Variants in MACF1 observed in about 807,000 individuals in gnomAD.
MACF1 encodes the protein microtubule actin crosslinking factor 1, also known as microtubule-actin cross-linking factor 1.
In MACF1, 193 loss-of-function variants were observed where a neutral mutation model predicts 854.8. That is an observed-to-expected ratio of 0.23 (90% confidence interval 0.20 to 0.25). MACF1 has a LOEUF of 0.25. Among genes scored for constraint, MACF1 ranks in the 10% least tolerant of loss-of-function variants. MACF1 has a pLI of 1.00. For synonymous variants in MACF1, 3,185 were observed against 3,226.7 expected (o/e 0.99, Z 0.44); for missense variants, 7,722 against 8,929.1 (o/e 0.86, Z 5.45).
chr1:39,293,446 T>C lies in MACF1; in HGVS notation c.1993-12T>C. On this transcript the variant is annotated splice_polypyrimidine_tract_variant and intron_variant, in intron 17 of 100. Coordinates refer to ENST00000564288, the MANE Select transcript of MACF1 (RefSeq NM_001394062.1). ...GCTGCCAGTCTAATCTTATAATCCTTGCTTTGTCTAGGAAACTTCTAGCTT... is the reference window on the plus strand; with the variant it reads ...GCTGCCAGTCTAATCTTATAATCCTCGCTTTGTCTAGGAAACTTCTAGCTT... 1 of 1,605,268 alleles carries C rather than the reference T, an allele frequency of 6.2e-7. No homozygotes were observed. The highest frequency in any genetic ancestry group is 1.7e-5 in the Admixed American group (1 of 59,046).
intron 58 of MACF1, among the ~76,000 whole-genome samples, chr1:39,417,569 CAG>C (rs1643363298): frequency 1.3e-5 from 2 of 150,990 alleles, no homozygotes; most frequent in Admixed American, 6.6e-5. Context: ...TTTTTTTAGA[CAG>C]AGTCTCACTC....
rs767621783 is a variant in MACF1, at chr1:39,310,285, A to G, written c.2957A>G (p.Lys986Arg). The change falls in exon 25 of 101, where the codon AAG (lysine) becomes AGG (arginine). Residue 986 changes from lysine (K) to arginine (R), a missense_variant. Physicochemically the swap from Lys to Arg is conservative, Grantham distance 26. Coordinates refer to ENST00000564288, the MANE Select transcript of MACF1 (RefSeq NM_001394062.1). The stretch of plus-strand genomic sequence containing the variant: ...CCAGGGGAGTGCCATCAGATTATGA[A>G]GAACCTTCAGGCCCACTATGAAGAC... Reference protein sequence around the residue: ...SAPGECHQIMKNLQAHYEDFL... With the variant: ...SAPGECHQIMRNLQAHYEDFL... 6.2e-7 allele frequency: 1 copy of G among 1,614,114 alleles called. No individual in the cohort carries two copies. The highest frequency in any genetic ancestry group is 2.2e-5 in the East Asian group (1 of 44,878).
At chr1:39,190,345 TTTTC>T (rs909988317) in intron 2 of MACF1, among the ~76,000 whole-genome samples, 2 of 150,414 alleles carry the variant, frequency 1.3e-5, no homozygotes, top group Admixed American at 6.7e-5. Flanking sequence ...TTTTCTTGTC[TTTTC>T]TTTCTTTCTT....
At chr1:39,133,499 C>G (rs534938729) in intron 2 of MACF1, among the ~76,000 whole-genome samples, 41 of 151,936 alleles carry the variant, frequency 2.7e-4, no homozygotes, top group African/African-American at 9.9e-4. Flanking sequence ...TTCTTTTCTT[C>G]TCTTTTCTCC....
intron 1 of MACF1, among the ~76,000 whole-genome samples, chr1:39,216,412 A>G (rs1008512848): frequency 3.3e-5 from 5 of 152,210 alleles, no homozygotes; most frequent in African/African-American, 9.7e-5. Flanking sequence ...GTAATCTACT[A>G]TCTTTTGATT....
Position 39,373,004 on chromosome 1 carries a change from C to G in MACF1, c.13213+408C>G, listed in dbSNP as rs12076761. On this transcript the variant is annotated intron_variant, in intron 52 of 100. Coordinates refer to ENST00000564288, the MANE Select transcript of MACF1 (RefSeq NM_001394062.1). The stretch of plus-strand genomic sequence containing the variant: ...TGGCCAACATGGTGAAACCCCATCT[C>G]TACTAAAAATACAAAAATTAGGCCA... 4.5e-3 allele frequency: 909 copies of G among 203,944 alleles called. 7 individuals carry two copies. The highest frequency in any genetic ancestry group is 0.021 in the African/African-American group (862 of 41,802). 12.6% of individuals were successfully genotyped at this position (203,944 alleles called of 1,614,324 possible).
intron 2 of MACF1, among the ~76,000 whole-genome samples, chr1:39,121,985 T>C (rs2148159008): frequency 6.6e-6 from 1 of 152,222 alleles, no homozygotes; most frequent in South Asian, 2.1e-4. Flanking sequence ...GATTCCCAGA[T>C]CAGACTACTC....
chr1:39,276,305 A>G (rs1037008316), intron 6 of MACF1, among the ~76,000 whole-genome samples: 6 of 152,110 alleles, frequency 3.9e-5, no homozygotes, highest in Non-Finnish European at 7.4e-5. Context: ...GGACATAATA[A>G]TCAAGTACTT....
At chr1:39,422,140 G>A (rs1374095774) in intron 58 of MACF1, among the ~76,000 whole-genome samples, 3 of 152,140 alleles carry the variant, frequency 2.0e-5, no homozygotes, top group East Asian at 3.8e-4. Flanking sequence ...GAGTCATTGG[G>A]TTAAAGACCT....
intron 1 of MACF1, among the ~76,000 whole-genome samples, chr1:39,210,485 C>T (rs1428683530): frequency 6.6e-6 from 1 of 151,784 alleles, no homozygotes; most frequent in Admixed American, 6.6e-5. Flanking sequence ...TAGGCACCCT[C>T]TACCATGCCT....
At chr1:39,148,350 T>C (rs141572084) in intron 2 of MACF1, among the ~76,000 whole-genome samples, 58 of 152,284 alleles carry the variant, frequency 3.8e-4, no homozygotes, top group African/African-American at 1.4e-3. Flanking sequence ...TATGCTACTG[T>C]TGGATATTGG....
rs1643868185 is a variant in MACF1, at chr1:39,430,994, C to T, written c.17337+86C>T. ...ACTATGACCCACATAAATACAGACT[C>T]AGAAATAAGAATGGGCTCAAGCTAA... On this transcript the variant is annotated intron_variant, in intron 66 of 100. Coordinates refer to ENST00000564288, the MANE Select transcript of MACF1 (RefSeq NM_001394062.1). The T allele has an allele frequency of 3.3e-6, 4 of 1,202,164 alleles. No homozygotes were observed. In the East Asian group the frequency reaches 9.7e-5, roughly 29 times the overall value. The allele number at this position is 1,202,164 out of a possible 1,614,324, so 74.5% of individuals were successfully genotyped here. A position where few individuals can be genotyped will look rare whatever the true frequency, so the allele number is the denominator to read the frequency against.
In MACF1 at chr1:39,388,319, C is replaced by A. The variant is rs147597953; in HGVS notation, c.15477C>A (p.Ile5159=). Residue 5159 remains isoleucine (I), a synonymous_variant, in exon 58 of 101, where the codon ATC becomes ATA. Transcript: ENST00000564288. ...GRDTDSLQSQ[I]EDVRLFLNKI... ...ACACTGATAGCCTCCAGTCCCAAAT[C>A]GAGGATGTCCGGCTATTCCTTAACA... is the stretch of plus-strand genomic sequence containing the variant. 1.8e-5 allele frequency: 29 copies of A among 1,614,036 alleles called. No homozygotes were observed. In the African/African-American group the frequency reaches 3.9e-4, roughly 22 times the overall value.
rs1213925895 is a variant in MACF1 at position 39,324,278 on chromosome 1, A to G, written c.4322A>G (p.Gln1441Arg). ...GWVSTLARNT[Q>R]GKATSSETKE... ...GTGTCTACCCTAGCGAGGAATACAC[A>G]AGGAAAAGCTACCTCATCCGAGACC... Residue 1441 changes from glutamine to arginine, a missense_variant, in exon 34 of 101, where the codon CAA (glutamine) becomes CGA (arginine). Physicochemically the swap from Gln to Arg is conservative, Grantham distance 43. Transcript: ENST00000564288. 2 of 1,614,048 alleles carry G rather than the reference A, an allele frequency of 1.2e-6. No homozygotes were observed. Among genetic ancestry groups the G allele is most frequent in the Non-Finnish European group, 1.7e-6 (2 of 1,179,926 alleles).
intron 58 of MACF1, among the ~76,000 whole-genome samples, chr1:39,406,658 C>T (rs1256109565): frequency 2.1e-5 from 3 of 144,872 alleles, no homozygotes; most frequent in East Asian, 4.2e-4. Context: ...TCGCTTGAAC[C>T]CAGGAGGCAA....
At chr1:39,269,629 C>A in intron 6 of MACF1, 1 of 1,289,794 alleles carries the variant, frequency 7.8e-7, no homozygotes, top group Non-Finnish European at 1.0e-6. Flanking sequence ...CCTAAAGATA[C>A]AGAACCTGAA....
intron 40 of MACF1, among the ~76,000 whole-genome samples, chr1:39,342,131 T>C (rs1017151407): frequency 1.3e-5 from 2 of 151,768 alleles, no homozygotes; most frequent in East Asian, 3.9e-4. Flanking sequence ...CTTCCACTTA[T>C]AAGTGAGAAC....
At position 39,336,377 on chromosome 1, in the gene MACF1, T is replaced by C; in HGVS notation, c.9789T>C (p.Gly3263=). 6.2e-7 allele frequency: 1 copy of C among 1,614,130 alleles called. No individual in the cohort carries two copies. The highest frequency in any genetic ancestry group is 1.3e-5 in the African/African-American group (1 of 75,024). The change falls in exon 37 of 101, where the codon GGT becomes GGC. Residue 3263 remains glycine (G), a synonymous_variant. Transcript: ENST00000564288. ...GSIEDIVTQR[G]SRVLGSFLPE... ...TTGAGGACATAGTGACTCAGAGAGG[T>C]TCCAGAGTCTTGGGATCCTTTCTTC...
At chr1:39,478,342 A>G (rs1390807493) in intron 97 of MACF1, among the ~76,000 whole-genome samples, 1 of 152,106 alleles carries the variant, frequency 6.6e-6, no homozygotes, top group Non-Finnish European at 1.5e-5. Flanking sequence ...GGAAGGAAAC[A>G]CTGGATCATG....
Sources: gnomAD v4.1 joint callset for allele counts (sites outside exome capture counted in the v4.1 genomes callset) on GRCh38, gnomAD v4.1.1 for gene constraint, MANE v1.5 for transcripts, NCBI Gene and HGNC (gene_info 2026-07-23, HGNC 2026-07-21) for gene names.